The following NEK1 variants were observed in gnomAD, a reference collection of about 807,000 sequenced individuals.
NEK1 encodes serine/threonine-protein kinase Nek1.
In NEK1, 137 loss-of-function variants were observed where a neutral mutation model predicts 182.1. The observed-to-expected ratio is 0.75, with a 90% CI of 0.65 to 0.87. NEK1 has a LOEUF of 0.87. NEK1 is among the 40% of genes least tolerant of loss of function. The pLI is 0.00. For synonymous variants in NEK1, 513 were observed against 492.2 expected (o/e 1.04, Z -0.56); for missense variants, 1,391 against 1,494.4 (o/e 0.93, Z 1.14).
chr4:169,499,415 C>T (rs979085243), intron 23 of NEK1, among the ~76,000 whole-genome samples: 5 of 152,244 alleles, frequency 3.3e-5, no homozygotes, highest in African/African-American at 1.2e-4. Context: ...CAAAGTCATT[C>T]TCTGTCCAGC....
At chr4:169,492,041 A>G (rs1750184402) in intron 23 of NEK1, among the ~76,000 whole-genome samples, 1 of 152,248 alleles carries the variant, frequency 6.6e-6, no homozygotes, top group Admixed American at 6.5e-5. Context: ...AACTTAGCAC[A>G]TAGCACAAAA....
At chr4:169,428,374 T>TATATATATATATATATATATA (rs1328733911) in intron 29 of NEK1, among the ~76,000 whole-genome samples, 1 of 24,432 alleles carries the variant, frequency 4.1e-5, no homozygotes, top group African/African-American at 8.2e-5. Context: ...ATATATATAA[T>TATATATATATATATATATATA]GGAATATTAT....
Position 169,555,976 on chromosome 4 carries a change from T to TTCATTA in NEK1, c.1380_1385dup (p.Asp460_Asn461dup), listed in dbSNP as rs753380166. The TTCATTA allele has an allele frequency of 5.6e-6, 9 of 1,613,774 alleles. No individual in the cohort carries two copies. In the South Asian group the frequency reaches 9.9e-5, roughly 18 times the overall value. On this transcript the variant is annotated inframe_insertion, in exon 17 of 36. Transcript: ENST00000507142. The stretch of plus-strand genomic sequence containing the variant: ...CATATATTTCTCTTTTCCATTTAGC[T>TTCATTA]TCATTATCTTCTGCTCTTTGTTGCT...
At chr4:169,450,175 T>C (rs1234054640) in intron 27 of NEK1, among the ~76,000 whole-genome samples, 3 of 151,226 alleles carry the variant, frequency 2.0e-5, no homozygotes, top group African/African-American at 7.3e-5. Context: ...AATATGACAC[T>C]ATGTGAAAAG....
chr4:169,491,162 A>AAAAG (rs1554047307), intron 23 of NEK1, among the ~76,000 whole-genome samples: 1 of 122,834 alleles, frequency 8.1e-6, no homozygotes, highest in African/African-American at 3.2e-5. Context: ...AAAAAAAAAA[A>AAAAG]AGAGAGATGG....
At chr4:169,593,246 T>C (rs549559035) in intron 5 of NEK1, among the ~76,000 whole-genome samples, 92 of 152,238 alleles carry the variant, frequency 6.0e-4, no homozygotes, top group African/African-American at 2.1e-3. Flanking sequence ...GCAGGCCAGA[T>C]GGTTTCTGTC....
intron 23 of NEK1, among the ~76,000 whole-genome samples, chr4:169,505,127 G>A (rs1753032207): frequency 6.6e-6 from 1 of 151,934 alleles, no homozygotes; most frequent in Non-Finnish European, 1.5e-5. Flanking sequence ...TCAAATCTTT[G>A]TTCTGCCCTT....
chr4:169,598,148 G>A (rs1348350263), intron 5 of NEK1, among the ~76,000 whole-genome samples: 1 of 152,098 alleles, frequency 6.6e-6, no homozygotes, highest in Non-Finnish European at 1.5e-5. Context: ...ATTCAAGTGT[G>A]TGAAAAGAAA....
rs145922704 is a variant in NEK1 at position 169,503,275 on chromosome 4, G to A, written c.2007+3762C>T. Among the ~76,000 whole-genome samples, 251 of 151,736 alleles carry A rather than the reference G, an allele frequency of 1.7e-3. 1 individual carries two copies. The highest frequency in any genetic ancestry group is 3.1e-3 in the Non-Finnish European group (209 of 67,784). ...ATTTAATGCCCATGGAAGGAGACTT[G>A]GTATCATTAAAATGTCCATACTGCC... On this transcript the variant is annotated intron_variant, in intron 23 of 35. Coordinates refer to ENST00000507142, the MANE Select transcript of NEK1 (RefSeq NM_001199397.3).
At chr4:169,552,363 C>CA (rs57979638) in intron 18 of NEK1, among the ~76,000 whole-genome samples, 141 of 121,254 alleles carry the variant, frequency 1.2e-3, no homozygotes, top group South Asian at 5.2e-3. Context: ...CTATACATGC[C>CA]AAAAAAAAAA....
intron 18 of NEK1, 110 bp downstream of exon 18, chr4:169,555,610 A>G (rs1580733898): frequency 1.4e-6 from 2 of 1,446,510 alleles, no homozygotes; most frequent in East Asian, 2.3e-5. Context: ...GGCAAAAAAC[A>G]TCATATGTGA....
At chr4:169,453,441 A>G (rs898859475) in intron 27 of NEK1, among the ~76,000 whole-genome samples, 1 of 152,242 alleles carries the variant, frequency 6.6e-6, no homozygotes, top group Non-Finnish European at 1.5e-5. Context: ...AAGCCCCCCA[A>G]AATCTGGCCA....
rs748559706 is a variant in NEK1 at position 169,494,118 on chromosome 4, C to CT, written c.2007+12918dup. 2.5e-3 allele frequency among the ~76,000 whole-genome samples: 375 copies of CT among 148,400 alleles called. 1 individual carries two copies. The highest frequency in any genetic ancestry group is 4.1e-3 in the Non-Finnish European group (276 of 67,190). On this transcript the variant is annotated intron_variant, in intron 23 of 35. Transcript: ENST00000507142. ...TTTCTTTCTTTTTTTTTTTTTTATA[C>CT]TTTAAGTTTTAGGGAACATGTGCAC...
intron 19 of NEK1, among the ~76,000 whole-genome samples, chr4:169,511,843 T>C (rs1442857725): frequency 3.3e-5 from 5 of 152,170 alleles, no homozygotes; most frequent in Non-Finnish European, 5.9e-5. Context: ...TCATAATTTC[T>C]ATATAGACTC....
chr4:169,536,386 A>G (rs879860278), intron 19 of NEK1, among the ~76,000 whole-genome samples: 2 of 152,120 alleles, frequency 1.3e-5, no homozygotes, highest in African/African-American at 4.8e-5. Flanking sequence ...GAAAAAAGAT[A>G]CATTATATAC....
chr4:169,396,909 T>G (rs1730815249), intron 35 of NEK1, among the ~76,000 whole-genome samples: 1 of 152,138 alleles, frequency 6.6e-6, no homozygotes, highest in African/African-American at 2.4e-5. Flanking sequence ...AGATGTGGCC[T>G]AAAAGATAGC....
At position 169,477,428 on chromosome 4, in the gene NEK1, T is replaced by A; in HGVS notation, c.2205+4A>T. The A allele has an allele frequency of 6.2e-7, 1 of 1,600,200 alleles. No homozygotes were observed. Among genetic ancestry groups the A allele is most frequent in the Non-Finnish European group, 8.5e-7 (1 of 1,173,606 alleles). On this transcript the variant is annotated splice_donor_region_variant and intron_variant, in intron 25 of 35. Transcript: ENST00000507142. ...GATTGATAAACTTTGAAAATTTTAC[T>A]TACTGAAATAGCATTGTTGGTCTTT...
chr4:169,540,309 G>A (rs552128242), intron 18 of NEK1, among the ~76,000 whole-genome samples: 12 of 152,178 alleles, frequency 7.9e-5, no homozygotes, highest in South Asian at 6.2e-4. Flanking sequence ...GAAAATCAGC[G>A]TAATACATAT....
intron 12 of NEK1, among the ~76,000 whole-genome samples, chr4:169,569,949 G>T (rs1446848978): frequency 6.6e-6 from 1 of 151,850 alleles, no homozygotes; most frequent in Non-Finnish European, 1.5e-5. Flanking sequence ...CTGCCTGGCC[G>T]CCCATCGTCT....
Sources: gnomAD v4.1 joint callset for allele counts (sites outside exome capture counted in the v4.1 genomes callset) on GRCh38, gnomAD v4.1.1 for gene constraint, MANE v1.5 for transcripts, NCBI Gene and HGNC (gene_info 2026-07-23, HGNC 2026-07-21) for gene names.